The following NKAIN2 variants were observed in gnomAD, a reference collection of about 807,000 sequenced individuals.
The protein encoded by NKAIN2 is sodium/potassium-transporting ATPase subunit beta-1-interacting protein 2.
In NKAIN2, 14 loss-of-function variants were observed where a neutral mutation model predicts 32.6. The ratio of observed to expected loss-of-function variants is 0.43; its 90% CI spans 0.28 to 0.67. The LOEUF is 0.67. Among genes scored for constraint, NKAIN2 ranks in the 30% least tolerant of loss-of-function variants. NKAIN2 has a pLI of 0.17. For missense variants in NKAIN2, 198 were observed against 258.3 expected, an observed-to-expected ratio of 0.77 and a Z score of 1.60; for synonymous variants, 80 against 87.2, an observed-to-expected ratio of 0.92 and a Z score of 0.46.
At chr6:123,920,899 C>T (rs1052552468) in intron 1 of NKAIN2, among the ~76,000 whole-genome samples, 1 of 152,196 alleles carries the variant, frequency 6.6e-6, no homozygotes, top group East Asian at 1.9e-4. Flanking sequence ...TGCATACAGA[C>T]ACATGCCCGC....
At chr6:124,611,457 C>T (rs763772952) in intron 3 of NKAIN2, among the ~76,000 whole-genome samples, 1 of 151,994 alleles carries the variant, frequency 6.6e-6, no homozygotes, top group Non-Finnish European at 1.5e-5. Flanking sequence ...GTTTGCTGTA[C>T]CTGTCAACCC....
intron 1 of NKAIN2, among the ~76,000 whole-genome samples, chr6:124,043,087 C>A (rs1781948577): frequency 6.6e-6 from 1 of 151,948 alleles, no homozygotes; most frequent in African/African-American, 2.4e-5. Context: ...AGGCTGGGGG[C>A]AGGTTCACAC....
chr6:124,282,486 G>C (rs1362790226), intron 1 of NKAIN2, among the ~76,000 whole-genome samples: 1 of 152,128 alleles, frequency 6.6e-6, no homozygotes, highest in Non-Finnish European at 1.5e-5. Context: ...GAAATGACTT[G>C]CGTAGGCCAC....
chr6:124,400,057 C>A (rs889017860), intron 3 of NKAIN2, among the ~76,000 whole-genome samples: 3 of 152,084 alleles, frequency 2.0e-5, no homozygotes, highest in Non-Finnish European at 4.4e-5. Context: ...TTATATTTTT[C>A]TTCCTAATTG....
chr6:124,565,665 G>A (rs933183701), intron 3 of NKAIN2, among the ~76,000 whole-genome samples: 6 of 152,122 alleles, frequency 3.9e-5, no homozygotes, highest in South Asian at 2.1e-4. Flanking sequence ...CACTGACCCC[G>A]GATGATTTGG....
At position 124,583,196 on chromosome 6, in the gene NKAIN2, G is replaced by A. The variant is rs554129421; in HGVS notation, c.274-74990G>A. Among the ~76,000 whole-genome samples, 10 of 142,924 alleles carry A rather than the reference G, an allele frequency of 7.0e-5. No homozygotes were observed. In the South Asian group the frequency reaches 1.8e-3, roughly 26 times the overall value. 93.8% of individuals were successfully genotyped at this position (142,924 alleles called of 152,430 possible). Reference sequence around the variant, plus strand: ...AGTTATCTTTGTTTGCATATGGTATGATCTTATAATTGGTAAAACCTAAAG... The same window carrying A: ...AGTTATCTTTGTTTGCATATGGTATAATCTTATAATTGGTAAAACCTAAAG... On this transcript the variant is annotated intron_variant, in intron 3 of 6. Coordinates refer to ENST00000368417, the MANE Select transcript of NKAIN2 (RefSeq NM_001040214.3).
At chr6:124,706,592 A>G (rs1258790465) in intron 4 of NKAIN2, among the ~76,000 whole-genome samples, 3 of 152,158 alleles carry the variant, frequency 2.0e-5, no homozygotes, top group Non-Finnish European at 4.4e-5. Flanking sequence ...AGAAGTTCCA[A>G]ACAGGGCAGA....
intron 4 of NKAIN2, among the ~76,000 whole-genome samples, chr6:124,782,491 T>A (rs906481584): frequency 1.3e-5 from 2 of 152,132 alleles, no homozygotes; most frequent in Admixed American, 6.6e-5. Context: ...TCTCTCCTAG[T>A]CTCTACAGAG....
At chr6:124,077,976 G>C (rs1357564477) in intron 1 of NKAIN2, among the ~76,000 whole-genome samples, 2 of 152,048 alleles carry the variant, frequency 1.3e-5, no homozygotes, top group Non-Finnish European at 2.9e-5. Flanking sequence ...AAATACCTTA[G>C]CATTGAGGCT....
chr6:123,899,331 A>G (rs1774444687), intron 1 of NKAIN2, among the ~76,000 whole-genome samples: 2 of 151,344 alleles, frequency 1.3e-5, no homozygotes, highest in South Asian at 4.2e-4. Context: ...CTTCCTCTGT[A>G]TTCCCTTCAT....
At chr6:123,815,126 A>C (rs1354299976) in intron 1 of NKAIN2, among the ~76,000 whole-genome samples, 1 of 152,228 alleles carries the variant, frequency 6.6e-6, no homozygotes, top group African/African-American at 2.4e-5. Context: ...CCGTGTTTCT[A>C]TCGTAAATCT....
At chr6:124,309,668 T>C (rs1437068120) in intron 2 of NKAIN2, among the ~76,000 whole-genome samples, 1 of 152,160 alleles carries the variant, frequency 6.6e-6, no homozygotes, top group Non-Finnish European at 1.5e-5. Context: ...AGAGGTTTTC[T>C]GGGTGTCTTT....
intron 1 of NKAIN2, among the ~76,000 whole-genome samples, chr6:123,926,501 C>T (rs564319196): frequency 6.6e-6 from 1 of 151,816 alleles, no homozygotes; most frequent in East Asian, 1.9e-4. Context: ...ATTCCTACTG[C>T]AGTGTTCCCC....
At position 124,607,697 on chromosome 6, in the gene NKAIN2, T is replaced by A. The variant is rs752187049; in HGVS notation, c.274-50489T>A. Among the ~76,000 whole-genome samples the A allele has an allele frequency of 3.2e-4, 49 of 152,110 alleles. 1 individual carries two copies. Among genetic ancestry groups the A allele is most frequent in the Non-Finnish European group, 1.2e-4 (8 of 68,006 alleles). ...ATATATATATGTGTGTGTTTATATATGAATATATATGCATATATATAAACT... is the reference window on the plus strand; with the variant it reads ...ATATATATATGTGTGTGTTTATATAAGAATATATATGCATATATATAAACT... On this transcript the variant is annotated intron_variant, in intron 3 of 6. Transcript: ENST00000368417.
chr6:124,759,946 A>G (rs1375615592), intron 4 of NKAIN2, among the ~76,000 whole-genome samples: 1 of 152,008 alleles, frequency 6.6e-6, no homozygotes, highest in African/African-American at 2.4e-5. Context: ...AGGCACAGGA[A>G]TAAAAGGAGA....
intron 1 of NKAIN2, among the ~76,000 whole-genome samples, chr6:123,824,553 G>C (rs6908516): frequency 0.28 from 42,089 of 151,666 alleles, 8,340 homozygotes; most frequent in East Asian, 0.56. Flanking sequence ...ATTATAGAAA[G>C]TTGGAGTAGT....
intron 1 of NKAIN2, among the ~76,000 whole-genome samples, chr6:123,835,673 T>G (rs529855311): frequency 2.0e-5 from 3 of 152,346 alleles, no homozygotes; most frequent in African/African-American, 2.4e-5. Context: ...GTTTTTCAGC[T>G]TGTATTTAAT....
At chr6:124,339,796 C>T (rs1798045060) in intron 2 of NKAIN2, among the ~76,000 whole-genome samples, 1 of 152,076 alleles carries the variant, frequency 6.6e-6, no homozygotes, top group South Asian at 2.1e-4. Flanking sequence ...TCGAGAGAGC[C>T]ATTTCCCAGC....
At chr6:124,462,263 G>T (rs1417027807) in intron 3 of NKAIN2, among the ~76,000 whole-genome samples, 3 of 151,814 alleles carry the variant, frequency 2.0e-5, no homozygotes, top group Admixed American at 2.0e-4. Context: ...GAAAATAAAA[G>T]CACCATAATC....
Sources: allele counts gnomAD v4.1 joint callset (sites outside exome capture counted in the v4.1 genomes callset), GRCh38; gene constraint gnomAD v4.1.1; transcripts MANE v1.5; gene names NCBI Gene and HGNC (gene_info 2026-07-23, HGNC 2026-07-21).